ARIH1: variants seen among roughly 807,000 people sequenced by gnomAD.
The protein encoded by ARIH1 is E3 ubiquitin-protein ligase ARIH1.
A neutral mutation model predicts 85.0 loss-of-function variants in ARIH1; 8 were observed. The ratio of observed to expected loss-of-function variants is 0.09; its 90% CI spans 0.06 to 0.17. The LOEUF (loss-of-function observed/expected upper bound fraction) is 0.17. ARIH1 is among the 10% of genes least tolerant of loss of function. The pLI, the probability that ARIH1 is intolerant of heterozygous loss-of-function variation, is 1.00. For missense variants in ARIH1, 311 were observed against 718.1 expected (o/e 0.43, Z 6.48); for synonymous variants, 238 against 253.6 (o/e 0.94, Z 0.59).
chr15:72,539,968 A>G (rs2064099330), intron 2 of ARIH1, among the ~76,000 whole-genome samples: 1 of 152,138 alleles, frequency 6.6e-6, no homozygotes, highest in Non-Finnish European at 1.5e-5. Context: ...TACATGATAT[A>G]AAAACAATGG....
At chr15:72,560,018 T>C (rs1320851199) in intron 5 of ARIH1, among the ~76,000 whole-genome samples, 1 of 152,234 alleles carries the variant, frequency 6.6e-6, no homozygotes, top group African/African-American at 2.4e-5. Flanking sequence ...GGAGAATTCC[T>C]GGGTCTTGTG....
intron 1 of ARIH1, among the ~76,000 whole-genome samples, chr15:72,476,247 A>G (rs1244055405): frequency 6.6e-6 from 1 of 152,232 alleles, no homozygotes. Flanking sequence ...CACTGTTTCA[A>G]TACAGTGTTT....
At chr15:72,477,584 T>C (rs1389771802) in intron 1 of ARIH1, among the ~76,000 whole-genome samples, 3 of 152,322 alleles carry the variant, frequency 2.0e-5, no homozygotes, top group East Asian at 3.9e-4. Flanking sequence ...ACATAAATAC[T>C]GTTATTTGTG....
chr15:72,533,353 C>T (rs941510213), intron 2 of ARIH1, among the ~76,000 whole-genome samples: 1 of 152,202 alleles, frequency 6.6e-6, no homozygotes, highest in African/African-American at 2.4e-5. Flanking sequence ...TGGTCTTGAA[C>T]TCCTGAGCTC....
intron 9 of ARIH1, among the ~76,000 whole-genome samples, chr15:72,569,140 C>T (rs2064233035): frequency 6.6e-6 from 1 of 151,944 alleles, no homozygotes; most frequent in African/African-American, 2.4e-5. Context: ...GAAACCCCAC[C>T]TCAACAAAAA....
intron 2 of ARIH1, among the ~76,000 whole-genome samples, chr15:72,528,116 G>T (rs2064038552): frequency 6.6e-6 from 1 of 152,044 alleles, no homozygotes; most frequent in African/African-American, 2.4e-5. Flanking sequence ...TTTCTTGTAG[G>T]TTATTAAATT....
At chr15:72,541,151 G>A (rs1322384749) in intron 2 of ARIH1, among the ~76,000 whole-genome samples, 1 of 152,162 alleles carries the variant, frequency 6.6e-6, no homozygotes, top group Non-Finnish European at 1.5e-5. Context: ...AGGAAGCGGT[G>A]TATCAAGCGA....
chr15:72,560,741 A>T (rs1318608718), intron 5 of ARIH1, among the ~76,000 whole-genome samples: 1 of 152,344 alleles, frequency 6.6e-6, no homozygotes, highest in East Asian at 1.9e-4. Context: ...TATGAAGCTC[A>T]AGAGTCAAAT....
intron 1 of ARIH1, among the ~76,000 whole-genome samples, chr15:72,491,822 A>G (rs2063860657): frequency 6.6e-6 from 1 of 152,222 alleles, no homozygotes; most frequent in Non-Finnish European, 1.5e-5. Context: ...CCAGCTTTTC[A>G]TAGCTGGAGT....
chr15:72,548,262 G>C (rs1381359251), intron 3 of ARIH1, among the ~76,000 whole-genome samples: 1 of 152,142 alleles, frequency 6.6e-6, no homozygotes, highest in East Asian at 1.9e-4. Context: ...ACATCTGAAG[G>C]CATGGTAGTT....
intron 5 of ARIH1, among the ~76,000 whole-genome samples, chr15:72,558,064 C>T (rs1030906214): frequency 1.3e-5 from 2 of 152,206 alleles, no homozygotes; most frequent in African/African-American, 4.8e-5. Context: ...CTGGCCAGGA[C>T]TTCCAGTACT....
chr15:72,520,412 A>G (rs1170085012), intron 2 of ARIH1, among the ~76,000 whole-genome samples: 2 of 151,382 alleles, frequency 1.3e-5, no homozygotes, highest in Admixed American at 6.6e-5. Context: ...TAAATATTCA[A>G]CCTTTCTGGG....
In ARIH1 at chr15:72,539,436, G is replaced by A. The variant is rs183364336; in HGVS notation, c.444-5384G>A. 2.8e-3 allele frequency among the ~76,000 whole-genome samples: 421 copies of A among 151,984 alleles called. 5 individuals are homozygous for A. Among genetic ancestry groups the A allele is most frequent in the Non-Finnish European group, 2.5e-3 (173 of 67,968 alleles). On this transcript the variant is annotated intron_variant, in intron 2 of 13. Transcript: ENST00000379887. ...CTGATAAAACAACAGAAGGTGAAAA[G>A]GGAACTGACAGAACAGAAAAAAAAA...
At chr15:72,548,000 A>G (rs113668385) in intron 3 of ARIH1, among the ~76,000 whole-genome samples, 1 of 152,342 alleles carries the variant, frequency 6.6e-6, no homozygotes, top group African/African-American at 2.4e-5. Context: ...TTGTACTTGT[A>G]ACTGATGATG....
chr15:72,566,549 G>A lies in ARIH1; in HGVS notation c.912-14G>A, dbSNP rs373456697. 242 of 1,609,154 alleles carry A rather than the reference G, an allele frequency of 1.5e-4. No homozygotes were observed. The highest frequency in any genetic ancestry group is 1.9e-4 in the Non-Finnish European group (226 of 1,176,490). On this transcript the variant is annotated splice_polypyrimidine_tract_variant and intron_variant, in intron 7 of 13. Transcript: ENST00000379887. ...TAGGCCTTAATTCTATTAACTCTTT[G>A]TGTCACTTAACAGCTTTAACTGTGG...
chr15:72,486,176 C>T (rs2056017521), intron 1 of ARIH1, among the ~76,000 whole-genome samples: 1 of 152,044 alleles, frequency 6.6e-6, no homozygotes, highest in Admixed American at 6.6e-5. Context: ...ATGGTTTCCC[C>T]TTATCTACAG....
At chr15:72,542,794 A>G (rs1229685905) in intron 2 of ARIH1, among the ~76,000 whole-genome samples, 1 of 152,194 alleles carries the variant, frequency 6.6e-6, no homozygotes, top group Non-Finnish European at 1.5e-5. Context: ...ATTTTGGATG[A>G]CAGAAGTTTG....
intron 2 of ARIH1, among the ~76,000 whole-genome samples, chr15:72,540,186 A>T (rs2064100446): frequency 7.1e-6 from 1 of 140,024 alleles, no homozygotes; most frequent in African/African-American, 2.6e-5. Flanking sequence ...TGAACCTGGG[A>T]GGCGGAGGTT....
At chr15:72,508,660 T>C (rs572535127) in intron 1 of ARIH1, among the ~76,000 whole-genome samples, 19 of 151,758 alleles carry the variant, frequency 1.3e-4, no homozygotes, top group Middle Eastern at 3.4e-3. Context: ...GTTCTCCTTT[T>C]CAGCATTCCC....
Sources: allele counts gnomAD v4.1 joint callset (sites outside exome capture counted in the v4.1 genomes callset), GRCh38; gene constraint gnomAD v4.1.1; transcripts MANE v1.5; gene names NCBI Gene and HGNC (gene_info 2026-07-23, HGNC 2026-07-21).